Variants in MRPS28 observed in about 807,000 individuals in gnomAD.
MRPS28 encodes the protein mitochondrial ribosomal protein S28, also known as small ribosomal subunit protein bS1m.
MRPS28 carries 7 observed loss-of-function variants against 10.8 expected under a neutral mutation model. The ratio of observed to expected loss-of-function variants is 0.65; its 90% CI spans 0.37 to 1.22. MRPS28 has a LOEUF of 1.22. Ranked by LOEUF, MRPS28 falls within the 50% of genes most tolerant of loss-of-function variation. MRPS28 has a pLI of 0.02. For missense variants in MRPS28, 265 were observed against 232.9 expected (o/e 1.14, Z -0.90); for synonymous variants, 121 against 93.3 (o/e 1.30, Z -1.71).
chr8:79,979,694 C>T (rs11990564), intron 2 of MRPS28, among the ~76,000 whole-genome samples: 1 of 151,604 alleles, frequency 6.6e-6, no homozygotes, highest in Non-Finnish European at 1.5e-5. Context: ...CATCCCAGGT[C>T]TGCTTTTTAA....
At chr8:79,977,708 T>C (rs1188692122) in intron 2 of MRPS28, among the ~76,000 whole-genome samples, 1 of 151,854 alleles carries the variant, frequency 6.6e-6, no homozygotes, top group Non-Finnish European at 1.5e-5. Flanking sequence ...TTCCAACTAC[T>C]TGGGGGACTG....
intron 2 of MRPS28, among the ~76,000 whole-genome samples, chr8:80,000,947 T>C (rs1215973518): frequency 6.6e-6 from 1 of 152,122 alleles, no homozygotes; most frequent in Non-Finnish European, 1.5e-5. Flanking sequence ...AAAAGAACAG[T>C]GCCGACAAAA....
chr8:79,961,741 T>C (rs1402678797), intron 2 of MRPS28, among the ~76,000 whole-genome samples: 1 of 152,166 alleles, frequency 6.6e-6, no homozygotes, highest in African/African-American at 2.4e-5. Flanking sequence ...TGCTATTTCT[T>C]ACAAATATGA....
At chr8:79,996,592 T>G (rs965917918) in intron 2 of MRPS28, among the ~76,000 whole-genome samples, 1 of 152,164 alleles carries the variant, frequency 6.6e-6, no homozygotes, top group Non-Finnish European at 1.5e-5. Flanking sequence ...CCTAAGTACC[T>G]CCCAAAAGCC....
chr8:79,928,896 A>C (rs935389329), intron 2 of MRPS28, among the ~76,000 whole-genome samples: 1 of 152,070 alleles, frequency 6.6e-6, no homozygotes, highest in Non-Finnish European at 1.5e-5. Flanking sequence ...AAATACAAAA[A>C]TTAGCTGGGC....
chr8:79,927,060 G>A (rs1002488622), intron 2 of MRPS28, among the ~76,000 whole-genome samples: 1 of 152,160 alleles, frequency 6.6e-6, no homozygotes, highest in Admixed American at 6.5e-5. Context: ...CCTTACAAGT[G>A]CATGCAGTTT....
At chr8:79,956,891 A>G (rs1420933465) in intron 2 of MRPS28, 1 of 152,114 alleles carries the variant, frequency 6.6e-6, no homozygotes, top group East Asian at 1.9e-4. Flanking sequence ...TAATGAGATT[A>G]ATTAACACAT....
Position 79,918,776 on chromosome 8 carries a change from C to T in MRPS28, c.*204G>A. The stretch of plus-strand genomic sequence containing the variant: ...ATTTCTTAGTACAGTGTATACTATC[C>T]CCACCAAAGGAAAAAAACATTAAGA... On this transcript the variant is annotated 3_prime_UTR_variant, in exon 3 of 3. Coordinates refer to ENST00000276585, the MANE Select transcript of MRPS28 (RefSeq NM_014018.3). 1 of 263,278 alleles carries T rather than the reference C, an allele frequency of 3.8e-6. No homozygotes were observed. Among genetic ancestry groups the T allele is most frequent in the Non-Finnish European group, 6.6e-6 (1 of 150,430 alleles). The allele number at this position is 263,278 out of a possible 1,614,324, so 16.3% of individuals were successfully genotyped here. A position where few individuals can be genotyped will look rare whatever the true frequency, so the allele number is the denominator to read the frequency against.
At chr8:80,011,994 C>T (rs1304180294) in intron 1 of MRPS28, among the ~76,000 whole-genome samples, 2 of 152,094 alleles carry the variant, frequency 1.3e-5, no homozygotes, top group Non-Finnish European at 2.9e-5. Flanking sequence ...GTGCTCTCAA[C>T]TGTTTAAAAA....
intron 2 of MRPS28, among the ~76,000 whole-genome samples, chr8:79,957,546 C>CAA (rs35772888): frequency 0.021 from 1,767 of 84,932 alleles, 31 homozygotes; most frequent in Middle Eastern, 0.042. Context: ...CTTGTCTCTA[C>CAA]AAAAAAAAAA....
chr8:80,000,324 T>A (rs1808627553), intron 2 of MRPS28, among the ~76,000 whole-genome samples: 1 of 152,198 alleles, frequency 6.6e-6, no homozygotes, highest in Non-Finnish European at 1.5e-5. Context: ...GGTGGTTTCA[T>A]GGAAGCAGGA....
intron 1 of MRPS28, among the ~76,000 whole-genome samples, chr8:80,004,976 T>C (rs1018407212): frequency 2.0e-5 from 3 of 152,158 alleles, no homozygotes; most frequent in Admixed American, 6.5e-5. Context: ...CCAAGAAATA[T>C]GGGACTATGT....
intron 1 of MRPS28, among the ~76,000 whole-genome samples, chr8:80,012,176 G>A (rs966968646): frequency 6.6e-6 from 1 of 152,120 alleles, no homozygotes; most frequent in South Asian, 2.1e-4. Flanking sequence ...TGTTTTTGGC[G>A]AGTGAAATAA....
At chr8:79,993,720 C>T (rs866426520) in intron 2 of MRPS28, among the ~76,000 whole-genome samples, 1 of 152,282 alleles carries the variant, frequency 6.6e-6, no homozygotes. Flanking sequence ...TATATAAAAA[C>T]ATGCATGCTT....
chr8:79,999,914 C>A (rs1166253647), intron 2 of MRPS28, among the ~76,000 whole-genome samples: 1 of 152,074 alleles, frequency 6.6e-6, no homozygotes, highest in East Asian at 1.9e-4. Flanking sequence ...AGAACTAGAA[C>A]TAGAAGTCAA....
chr8:79,999,624 T>C (rs546210401), intron 2 of MRPS28, among the ~76,000 whole-genome samples: 3 of 152,328 alleles, frequency 2.0e-5, no homozygotes, highest in African/African-American at 4.8e-5. Context: ...AAATTTGCTA[T>C]GTTAAAAAGT....
At position 79,924,819 on chromosome 8, in the gene MRPS28, T is replaced by C. The variant is rs184979369; in HGVS notation, c.396-5671A>G. On this transcript the variant is annotated intron_variant, in intron 2 of 2. Transcript: ENST00000276585. ...CTCGACCTGTCTAGTCTATTGCTTC[T>C]TTCCATTCAATCTGTAAGATGCCTA... 4.9e-4 allele frequency among the ~76,000 whole-genome samples: 74 copies of C among 152,314 alleles called. No individual in the cohort carries two copies. In the East Asian group the frequency reaches 0.013, roughly 26 times the overall value.
Position 79,999,874 on chromosome 8 carries a change from A to T in MRPS28, c.395+3125T>A, listed in dbSNP as rs1361549987. 2.6e-5 allele frequency among the ~76,000 whole-genome samples: 4 copies of T among 151,782 alleles called. No homozygotes were observed. The South Asian group carries it at 6.2e-4, about 24-fold the overall frequency. On this transcript the variant is annotated intron_variant, in intron 2 of 2. Coordinates refer to ENST00000276585, the MANE Select transcript of MRPS28 (RefSeq NM_014018.3). ...GCCTTGACTCTTATCTTTTTTTTTT[A>T]AAGTCACTTTGATGACATTTCAGAC... is the stretch of plus-strand genomic sequence containing the variant.
intron 2 of MRPS28, among the ~76,000 whole-genome samples, chr8:79,981,738 C>T (rs1807960219): frequency 6.6e-6 from 1 of 152,118 alleles, no homozygotes; most frequent in African/African-American, 2.4e-5. Flanking sequence ...GTTGACACTA[C>T]TATAAGTAGA....
Sources: allele counts gnomAD v4.1 joint callset (sites outside exome capture counted in the v4.1 genomes callset), GRCh38; gene constraint gnomAD v4.1.1; transcripts MANE v1.5; gene names NCBI Gene and HGNC (gene_info 2026-07-23, HGNC 2026-07-21).